The following KDM5B variants were observed in gnomAD, a reference collection of about 807,000 sequenced individuals.
KDM5B encodes lysine-specific demethylase 5B.
In KDM5B, 144 loss-of-function variants were observed where a neutral mutation model predicts 193.4. That is an observed-to-expected ratio of 0.74 (90% CI 0.65 to 0.86). KDM5B has a LOEUF of 0.86. KDM5B is among the 40% of genes least tolerant of loss of function. KDM5B has a pLI of 0.00. For missense variants in KDM5B, 1,833 were observed against 1,886.9 expected (o/e 0.97, Z 0.53); for synonymous variants, 668 against 682.6 (o/e 0.98, Z 0.33).
chr1:202,803,470 A>T (rs953882319), intron 1 of KDM5B, among the ~76,000 whole-genome samples: 2 of 152,188 alleles, frequency 1.3e-5, no homozygotes, highest in Non-Finnish European at 2.9e-5. Context: ...TGGCAAAGTC[A>T]AATTTAGCTA....
intron 12 of KDM5B, among the ~76,000 whole-genome samples, chr1:202,752,687 A>C (rs1233914678): frequency 6.6e-6 from 1 of 152,230 alleles, no homozygotes; most frequent in Non-Finnish European, 1.5e-5. Flanking sequence ...GCTGTTTAGC[A>C]ATCTAGTTAT....
chr1:202,729,332 C>G lies in KDM5B; in HGVS notation c.4498-159G>C, dbSNP rs116122430. The G allele has an allele frequency of 2.5e-3, 1,834 of 742,284 alleles. 32 individuals carry two copies. In the African/African-American group the frequency reaches 0.028, roughly 12 times the overall value. The allele number at this position is 742,284 out of a possible 1,614,324, so 46.0% of individuals were successfully genotyped here. A position where few individuals can be genotyped will look rare whatever the true frequency, so the allele number is the denominator to read the frequency against. Reference sequence around the variant, plus strand: ...AGCTAAGCCAAATGAGTGTAGCTGGCCCCCTAGCCAAAGCAACCGAGTCAA... The same window carrying G: ...AGCTAAGCCAAATGAGTGTAGCTGGGCCCCTAGCCAAAGCAACCGAGTCAA... On this transcript the variant is annotated intron_variant, in intron 26 of 26. Coordinates refer to ENST00000367265, the MANE Select transcript of KDM5B (RefSeq NM_006618.5).
In KDM5B at chr1:202,741,383, T is replaced by C; in HGVS notation, c.2929A>G (p.Ser977Gly). The part of the protein sequence containing the change: ...VSEHWDDKAK[S>G]LLKARPRHSL... ...CTTTTTCACCTGGCCTTGAGGAGAC[T>C]CTTGGCTTTGTCGTCCCAGTGCTCT... Residue 977 changes from serine to glycine, a missense_variant, in exon 19 of 27, where the codon AGT becomes GGT. By Grantham distance (56) the Ser-to-Gly change is moderately conservative (BLOSUM62 0). This residue lies in a region of KDM5B where 1,379 missense variants were observed against 1,349.6 expected (regional missense o/e 1.02). Transcript: ENST00000367265. 6.4e-7 allele frequency: 1 copy of C among 1,551,086 alleles called. No individual in the cohort carries two copies. The highest frequency in any genetic ancestry group is 8.7e-7 in the Non-Finnish European group (1 of 1,150,742).
chr1:202,774,792 A>C (rs375597603), intron 2 of KDM5B, 57 bp from the exon 3 acceptor site: 348 of 1,509,704 alleles, frequency 2.3e-4, no homozygotes, highest in Admixed American at 7.9e-5. Flanking sequence ...AGCTCCTATT[A>C]CCTGCCATTA....
intron 7 of KDM5B, 143 bp downstream of exon 7, chr1:202,762,556 G>A (rs897363078): frequency 1.6e-6 from 1 of 644,970 alleles, no homozygotes; most frequent in Non-Finnish European, 2.8e-6. Context: ...GACTTCAGAA[G>A]ATATTTTTAT....
chr1:202,798,554 C>G (rs989470377), intron 1 of KDM5B, among the ~76,000 whole-genome samples: 2 of 151,916 alleles, frequency 1.3e-5, no homozygotes, highest in Non-Finnish European at 2.9e-5. Context: ...TAGTGAGACA[C>G]CATCTCTACA....
intron 1 of KDM5B, among the ~76,000 whole-genome samples, chr1:202,801,634 C>CAATTTTATTTAAGATTA (rs11270259): frequency 2.6e-5 from 4 of 151,810 alleles, no homozygotes; most frequent in Non-Finnish European, 5.9e-5. Context: ...TTTTTATTTA[C>CAATTTTATTTAAGATTA]AATTTTCATT....
intron 1 of KDM5B, among the ~76,000 whole-genome samples, chr1:202,784,129 G>A (rs1193949318): frequency 2.0e-5 from 3 of 152,174 alleles, no homozygotes. Context: ...TCCAAAAAAT[G>A]CCAGGAAAAT....
intron 22 of KDM5B, 69 bp downstream of exon 22, chr1:202,735,360 T>C (rs1655051392): frequency 6.6e-7 from 1 of 1,504,896 alleles, no homozygotes; most frequent in South Asian, 1.3e-5. Context: ...CAAATTCCTA[T>C]AAAACAGAAA....
chr1:202,759,550 C>CAAA (rs67515433), intron 8 of KDM5B, among the ~76,000 whole-genome samples: 18 of 115,776 alleles, frequency 1.6e-4, no homozygotes, highest in Admixed American at 4.2e-4. Flanking sequence ...GATCCTGTCT[C>CAAA]AAAAAAAAAA....
At chr1:202,781,905 C>T (rs764557771) in intron 1 of KDM5B, among the ~76,000 whole-genome samples, 21 of 152,066 alleles carry the variant, frequency 1.4e-4, no homozygotes, top group Non-Finnish European at 2.5e-4. Context: ...AGATAATGTA[C>T]CTTCTAATAC....
intron 1 of KDM5B, among the ~76,000 whole-genome samples, chr1:202,787,907 A>T (rs1299343632): frequency 6.7e-6 from 1 of 150,320 alleles, no homozygotes; most frequent in Non-Finnish European, 1.5e-5. Context: ...AAAAAAAAAA[A>T]TTATGTGAAG....
At chr1:202,784,631 T>A (rs1383874106) in intron 1 of KDM5B, among the ~76,000 whole-genome samples, 2 of 152,070 alleles carry the variant, frequency 1.3e-5, no homozygotes, top group African/African-American at 2.4e-5. Context: ...CATTATAAAC[T>A]CCTATAAAAG....
intron 1 of KDM5B, among the ~76,000 whole-genome samples, chr1:202,797,760 C>T (rs1009016540): frequency 6.6e-6 from 1 of 152,310 alleles, no homozygotes; most frequent in East Asian, 1.9e-4. Context: ...CACTGTAAAC[C>T]CTTCTTAATA....
chr1:202,757,068 G>A (rs930593286), intron 9 of KDM5B, among the ~76,000 whole-genome samples: 3 of 146,404 alleles, frequency 2.0e-5, no homozygotes, highest in South Asian at 2.2e-4. Context: ...CCATGGATGG[G>A]GAAGGGCAGG....
intron 1 of KDM5B, among the ~76,000 whole-genome samples, chr1:202,780,387 A>G (rs1440897045): frequency 6.6e-6 from 1 of 152,100 alleles, no homozygotes; most frequent in African/African-American, 2.4e-5. Context: ...ACAGGGTTTC[A>G]CCATGTTGGC....
intron 4 of KDM5B, among the ~76,000 whole-genome samples, chr1:202,771,203 T>C: frequency 6.6e-6 from 1 of 152,110 alleles, no homozygotes; most frequent in East Asian, 1.9e-4. Flanking sequence ...AACATTCTAT[T>C]TTTTATTTTT....
rs765745657 is a variant in KDM5B at position 202,760,466 on chromosome 1, A to C, written c.1026T>G (p.Pro342=). Reference sequence around the variant, plus strand: ...AGTCTCCCTTGGGAACATCATGGAGAGGTGGGATCAAGCAAAAGGTATGGT... The same window carrying C: ...AGTCTCCCTTGGGAACATCATGGAGCGGTGGGATCAAGCAAAAGGTATGGT... ...DSYHTFCLIP[P]LHDVPKGDWR... The change falls in exon 8 of 27, where the codon CCT becomes CCG. Residue 342 remains proline (P), a synonymous_variant. Transcript: ENST00000367265. 6.2e-7 allele frequency: 1 copy of C among 1,613,662 alleles called. No homozygotes were observed. The highest frequency in any genetic ancestry group is 8.5e-7 in the Non-Finnish European group (1 of 1,179,754).
rs1655752072 is a variant in KDM5B, at chr1:202,750,643, CATT to C, written c.1821+13_1821+15del. ...ACAATAAATTTGAAAAGGTTAACTACATTGTAATTACATACCCAATCAACAGTG... is the reference window on the plus strand; with the variant it reads ...ACAATAAATTTGAAAAGGTTAACTACGTAATTACATACCCAATCAACAGTG... On this transcript the variant is annotated intron_variant, in intron 13 of 26. Transcript: ENST00000367265. 4.3e-6 allele frequency: 7 copies of C among 1,611,644 alleles called. No individual in the cohort carries two copies. The highest frequency in any genetic ancestry group is 5.9e-6 in the Non-Finnish European group (7 of 1,178,792).
Sources: gnomAD v4.1 joint callset for allele counts (sites outside exome capture counted in the v4.1 genomes callset) on GRCh38, gnomAD v4.1.1 for gene constraint, gnomAD v4.1.1 regional missense constraint, MANE v1.5 for transcripts, NCBI Gene and HGNC (gene_info 2026-07-23, HGNC 2026-07-21) for gene names.